Variants in PI16 observed in about 807,000 individuals in gnomAD.
The protein encoded by PI16 is peptidase inhibitor 16, also known as PSP94-binding protein.
Under a neutral mutation model 38.0 loss-of-function variants are expected in PI16, and 35 were observed. The observed-to-expected ratio is 0.92, with a 90% CI of 0.70 to 1.22. The LOEUF (loss-of-function observed/expected upper bound fraction) is 1.22. Ranked by LOEUF, PI16 falls within the 50% of genes most tolerant of loss-of-function variation. PI16 has a pLI of 0.00. For synonymous variants in PI16, 275 were observed against 252.9 expected, an observed-to-expected ratio of 1.09 and a Z score of -0.83; for missense variants, 572 against 593.8, an observed-to-expected ratio of 0.96 and a Z score of 0.38.
Position 36,963,947 on chromosome 6 carries a change from G to C in PI16, c.*3G>C. The C allele has an allele frequency of 6.2e-7, 1 of 1,610,370 alleles. No homozygotes were observed. Among genetic ancestry groups the C allele is most frequent in the South Asian group, 1.1e-5 (1 of 90,524 alleles). ...TGGTGTTGGCTGGAATCTTCTGAAG[G>C]GGATACCACTCAAAGGCAAGGCCTG... On this transcript the variant is annotated 3_prime_UTR_variant, in exon 6 of 7. Coordinates refer to ENST00000373674, the MANE Select transcript of PI16 (RefSeq NM_153370.3).
At position 36,962,912 on chromosome 6, in the gene PI16, C is replaced by A; in HGVS notation, c.593-23C>A. On this transcript the variant is annotated intron_variant, in intron 4 of 6. Coordinates refer to ENST00000373674, the MANE Select transcript of PI16 (RefSeq NM_153370.3). This position sits in a 1 kb window ranked among gnomAD's most constrained non-coding sequence, Gnocchi z 4.1. Reference sequence around the variant, plus strand: ...TGGGGTCCTGCTTGCAGCACTCATGCCCGTTCTCGTCTGTCTTATCAGAAC... The same window carrying A: ...TGGGGTCCTGCTTGCAGCACTCATGACCGTTCTCGTCTGTCTTATCAGAAC... 2 of 1,583,976 alleles carry A rather than the reference C, an allele frequency of 1.3e-6. No homozygotes were observed. The highest frequency in any genetic ancestry group is 1.8e-4 in the Middle Eastern group (1 of 5,630).
chr6:36,957,103 C>T (rs1306804774), intron 1 of PI16, among the ~76,000 whole-genome samples: 1 of 152,170 alleles, frequency 6.6e-6, no homozygotes, highest in African/African-American at 2.4e-5. Flanking sequence ...TGGGCCTGAC[C>T]CTGCTCAAAA....
chr6:36,963,760 G>A, intron 5 of PI16, 63 bp from the exon 6 acceptor site: 1 of 1,534,676 alleles, frequency 6.5e-7, no homozygotes, highest in Non-Finnish European at 8.8e-7. Flanking sequence ...TTGCATGGTG[G>A]GGTGGGCGGG....
At chr6:36,961,406 T>C in intron 2 of PI16, 45 bp from the exon 3 acceptor site, 3 of 1,549,008 alleles carry the variant, frequency 1.9e-6, no homozygotes, top group African/African-American at 1.4e-5. Flanking sequence ...GAAGGCACCA[T>C]GCCACCTCGC....
At chr6:36,961,997 A>AGG (rs758627108) in intron 4 of PI16, 23 bp downstream of exon 4, 6 of 1,585,530 alleles carry the variant, frequency 3.8e-6, no homozygotes, top group Middle Eastern at 1.7e-4. Context: ...GTGGATGGGT[A>AGG]GGGGCAGGGG....
chr6:36,963,024 AG>A lies in PI16; in HGVS notation c.684del (p.Met230TrpfsTer7). ...CCGGGCGACTGAAGCATCAGACTCT[AG>A]GAAAATGGGTACTCCTTCTTCCCTA... ...SFRATEASDS[R>X]KMGTPSSLAT... On this transcript the variant is annotated frameshift_variant, in exon 5 of 7. Coordinates refer to ENST00000373674, the MANE Select transcript of PI16 (RefSeq NM_153370.3). LOFTEE classifies it high-confidence loss of function. 1 of 1,614,198 alleles carries A rather than the reference AG, an allele frequency of 6.2e-7. No homozygotes were observed. The highest frequency in any genetic ancestry group is 8.5e-7 in the Non-Finnish European group (1 of 1,180,032).
chr6:36,959,875 A>AT (rs1156273550), intron 2 of PI16, among the ~76,000 whole-genome samples: 39 of 151,432 alleles, frequency 2.6e-4, no homozygotes, highest in African/African-American at 6.8e-4. Context: ...CTCAAAAAAA[A>AT]AAAAAAAAAA....
At position 36,961,570 on chromosome 6, in the gene PI16, G is replaced by T. The variant is rs745403013; in HGVS notation, c.503+10G>T. 1.2e-6 allele frequency: 2 copies of T among 1,606,756 alleles called. No individual in the cohort carries two copies. On this transcript the variant is annotated intron_variant, in intron 3 of 6. Coordinates refer to ENST00000373674, the MANE Select transcript of PI16 (RefSeq NM_153370.3). Reference sequence around the variant, plus strand: ...GCAACTATGAGCCTCCGTGAGTGCCGGGGGGAACCCTGGAGATGGAGAGGG... The same window carrying T: ...GCAACTATGAGCCTCCGTGAGTGCCTGGGGGAACCCTGGAGATGGAGAGGG...
At chr6:36,956,529 G>A (rs1763212126) in intron 1 of PI16, among the ~76,000 whole-genome samples, 1 of 152,202 alleles carries the variant, frequency 6.6e-6, no homozygotes, top group African/African-American at 2.4e-5. Flanking sequence ...GCTGGGGCTG[G>A]GATGCCAGGA....
upstream of PI16, among the ~76,000 whole-genome samples, chr6:36,953,299 G>A (rs184907653): frequency 2.6e-3 from 390 of 149,222 alleles, 2 homozygotes; most frequent in African/African-American, 9.1e-3. Context: ...TCATGCCACT[G>A]CACTCCAGCC....
intron 2 of PI16, 27 bp downstream of exon 2, chr6:36,959,393 C>T: frequency 6.5e-7 from 1 of 1,527,888 alleles, no homozygotes. Flanking sequence ...CGAGGCGGGG[C>T]GGAGCCTCGC....
chr6:36,961,320 T>A, intron 2 of PI16, 131 bp from the exon 3 acceptor site: 1 of 758,510 alleles, frequency 1.3e-6, no homozygotes, highest in Non-Finnish European at 2.3e-6. Flanking sequence ...CTGCATGGCC[T>A]TGGGGACGTG....
upstream of PI16, among the ~76,000 whole-genome samples, chr6:36,949,773 T>C (rs2150732087): frequency 6.6e-6 from 1 of 152,378 alleles, no homozygotes; most frequent in South Asian, 2.1e-4. Context: ...CAGATTGTTC[T>C]ATTATCTCAA....
Position 36,954,918 on chromosome 6 carries a change from A to T in PI16, c.158A>T (p.Asp53Val). 1 of 1,612,966 alleles carries T rather than the reference A, an allele frequency of 6.2e-7. No individual in the cohort carries two copies. Among genetic ancestry groups the T allele is most frequent in the Non-Finnish European group, 8.5e-7 (1 of 1,179,924 alleles). The change falls in exon 1 of 7, where the codon GAC (aspartate) becomes GTC (valine). Residue 53 changes from aspartate (D) to valine (V), a missense_variant. Physicochemically the swap from Asp to Val is radical, Grantham distance 152 (BLOSUM62 -3). Coordinates refer to ENST00000373674, the MANE Select transcript of PI16 (RefSeq NM_153370.3). The stretch of plus-strand genomic sequence containing the variant: ...GCCCAGGTATCCCCGACGGCCTCAG[A>T]CATGCTGCACATGGTAAGTGTGGCC... Reference protein sequence around the residue: ...YRAQVSPTASDMLHMRWDEEL... With the variant: ...YRAQVSPTASVMLHMRWDEEL...
chr6:36,951,088 C>A (rs888918074), upstream of PI16, among the ~76,000 whole-genome samples: 2 of 152,138 alleles, frequency 1.3e-5, no homozygotes, highest in Non-Finnish European at 2.9e-5. Flanking sequence ...TGGTATTTCA[C>A]TGTATTTCCC....
chr6:36,948,400 G>T (rs1197005735), exon 1 of PI16: 2 of 152,120 alleles, frequency 1.3e-5, no homozygotes, highest in African/African-American at 4.8e-5. Context: ...CACTTCCCAG[G>T]CCAGGTCAGC....
intron 2 of PI16, among the ~76,000 whole-genome samples, chr6:36,960,785 G>A (rs1274881026): frequency 6.6e-6 from 1 of 152,040 alleles, no homozygotes; most frequent in Non-Finnish European, 1.5e-5. Context: ...CTGCCCAGAA[G>A]GTGCTCAACA....
In PI16 at chr6:36,962,942, C is replaced by T; in HGVS notation, c.600C>T (p.Ile200=). The T allele has an allele frequency of 1.2e-6, 2 of 1,611,634 alleles. No homozygotes were observed. The highest frequency in any genetic ancestry group is 1.7e-6 in the Non-Finnish European group (2 of 1,178,440). Residue 200 remains isoleucine (I), a synonymous_variant, in exon 5 of 7, where the codon ATC becomes ATT. Transcript: ENST00000373674. This position sits in a 1 kb window ranked among gnomAD's most constrained non-coding sequence, Gnocchi z 4.1. ...YHCKNSLCEP[I]GSPEDAQDLP... is the part of the protein sequence containing the mutation. ...TCTCGTCTGTCTTATCAGAACCCAT[C>T]GGAAGCCCGGAAGATGCTCAGGATT...
At chr6:36,963,769 G>A in intron 5 of PI16, 54 bp from the exon 6 acceptor site, 1 of 1,536,732 alleles carries the variant, frequency 6.5e-7, no homozygotes, top group South Asian at 1.3e-5. Context: ...GGGGTGGGCG[G>A]GACATCAGGC....
Sources: gnomAD v4.1 joint callset for allele counts (sites outside exome capture counted in the v4.1 genomes callset) on GRCh38, gnomAD v4.1.1 for gene constraint, Gnocchi (gnomAD v3.1) non-coding constraint, MANE v1.5 for transcripts, NCBI Gene and HGNC (gene_info 2026-07-23, HGNC 2026-07-21) for gene names.